Variants in SPAG1 observed in about 807,000 individuals in gnomAD.
SPAG1 encodes sperm-associated antigen 1.
Under a neutral mutation model 100.5 loss-of-function variants are expected in SPAG1, and 69 were observed. The ratio of observed to expected loss-of-function variants is 0.69; its 90% confidence interval spans 0.57 to 0.84. The LOEUF is 0.84. Among genes scored for constraint, SPAG1 ranks in the 40% least tolerant of loss-of-function variants. The pLI is 0.00. For missense variants in SPAG1, 955 were observed against 1,133.1 expected (o/e 0.84, Z 2.26); for synonymous variants, 336 against 411.6 (o/e 0.82, Z 2.22).
intron 10 of SPAG1, among the ~76,000 whole-genome samples, chr8:100,206,610 G>A (rs531242293): frequency 6.6e-6 from 1 of 152,028 alleles, no homozygotes; most frequent in Admixed American, 6.5e-5. Flanking sequence ...GGGTTCCGGT[G>A]GTATGGGGCC....
intron 4 of SPAG1, among the ~76,000 whole-genome samples, chr8:100,182,900 TA>T (rs1173903501): frequency 6.6e-6 from 1 of 152,200 alleles, no homozygotes; most frequent in Non-Finnish European, 1.5e-5. Context: ...ATTATTATGT[TA>T]ATAACTGTAA....
At chr8:100,195,740 T>C (rs914741420) in intron 10 of SPAG1, among the ~76,000 whole-genome samples, 1 of 152,206 alleles carries the variant, frequency 6.6e-6, no homozygotes, top group Non-Finnish European at 1.5e-5. Context: ...TTACTTCCTA[T>C]TATTTTAAAA....
rs778498639 is a variant in SPAG1, at chr8:100,177,872, G to A, written c.357G>A (p.Glu119=). The A allele has an allele frequency of 1.9e-6, 3 of 1,598,170 alleles. No homozygotes were observed. Among genetic ancestry groups the A allele is most frequent in the African/African-American group, 1.3e-5 (1 of 74,648 alleles). The part of the protein sequence containing the change: ...EEDKMHFHET[E]TFPAMKDNLP... ...ATAAAATGCACTTTCATGAAACTGA[G>A]ACATTTCCAGCAATGAAAGATAATT... The change falls in exon 4 of 19, where the codon GAG becomes GAA. Residue 119 remains glutamate, a synonymous_variant. Coordinates refer to ENST00000388798, the MANE Select transcript of SPAG1 (RefSeq NM_003114.5).
At chr8:100,232,198 G>A (rs185400880) in intron 15 of SPAG1, among the ~76,000 whole-genome samples, 18 of 152,154 alleles carry the variant, frequency 1.2e-4, no homozygotes, top group Admixed American at 1.0e-3. Flanking sequence ...CTGTAGGATC[G>A]GGCATTATTG....
chr8:100,234,384 T>C (rs1306284898), intron 16 of SPAG1, among the ~76,000 whole-genome samples: 5 of 152,190 alleles, frequency 3.3e-5, no homozygotes, highest in Admixed American at 2.6e-4. Flanking sequence ...TTTTCATCTT[T>C]CTAGAAAGTT....
At chr8:100,236,696 A>G (rs572972663) in intron 16 of SPAG1, among the ~76,000 whole-genome samples, 241 of 152,292 alleles carry the variant, frequency 1.6e-3, no homozygotes, top group African/African-American at 5.7e-3. Flanking sequence ...TCTTTGTAAG[A>G]AAAGATCACT....
intron 16 of SPAG1, among the ~76,000 whole-genome samples, chr8:100,234,253 A>G (rs1219317972): frequency 6.6e-6 from 1 of 152,256 alleles, no homozygotes; most frequent in Admixed American, 6.5e-5. Flanking sequence ...AATGAAGTTC[A>G]TACATTGTAA....
intron 3 of SPAG1, among the ~76,000 whole-genome samples, chr8:100,166,877 G>A (rs1214640672): frequency 1.3e-5 from 2 of 152,092 alleles, no homozygotes; most frequent in Non-Finnish European, 2.9e-5. Context: ...ATTGCACTCC[G>A]GCCTGGGTGA....
chr8:100,225,941 T>A (rs936723499), intron 14 of SPAG1, among the ~76,000 whole-genome samples: 2 of 151,608 alleles, frequency 1.3e-5, no homozygotes, highest in Non-Finnish European at 2.9e-5. Context: ...CAAGCAATAC[T>A]CCTGCCTCAG....
chr8:100,190,663 CTTTTTTT>C (rs758612610), intron 8 of SPAG1, among the ~76,000 whole-genome samples: 5 of 111,810 alleles, frequency 4.5e-5, no homozygotes, highest in East Asian at 5.3e-4. Context: ...CTTTTTTTTT[CTTTTTTT>C]TTTTTTTTTT....
intron 12 of SPAG1, among the ~76,000 whole-genome samples, chr8:100,214,320 T>A (rs1817873397): frequency 6.6e-6 from 1 of 152,218 alleles, no homozygotes; most frequent in South Asian, 2.1e-4. Context: ...CTACACTGCC[T>A]CCAAGCAAGT....
chr8:100,171,242 C>T (rs1456756167), intron 3 of SPAG1, among the ~76,000 whole-genome samples: 1 of 151,990 alleles, frequency 6.6e-6, no homozygotes, highest in Admixed American at 6.6e-5. Context: ...ATTTGATTTG[C>T]TAAAATTTTG....
At chr8:100,205,338 C>T (rs1817461608) in intron 10 of SPAG1, among the ~76,000 whole-genome samples, 1 of 152,184 alleles carries the variant, frequency 6.6e-6, no homozygotes, top group Non-Finnish European at 1.5e-5. Flanking sequence ...ATTTCAGGGA[C>T]TACTGGACAC....
intron 3 of SPAG1, among the ~76,000 whole-genome samples, chr8:100,169,174 T>C (rs1430202964): frequency 6.6e-6 from 1 of 152,200 alleles, no homozygotes; most frequent in African/African-American, 2.4e-5. Flanking sequence ...TCAGTTTTAA[T>C]TTTTGTATTG....
At chr8:100,206,910 G>A (rs1026010362) in intron 10 of SPAG1, among the ~76,000 whole-genome samples, 1 of 152,184 alleles carries the variant, frequency 6.6e-6, no homozygotes, top group African/African-American at 2.4e-5. Context: ...CTGCCACTTG[G>A]GCCATATGAC....
At chr8:100,196,083 T>G (rs995856069) in intron 10 of SPAG1, among the ~76,000 whole-genome samples, 4 of 152,200 alleles carry the variant, frequency 2.6e-5, no homozygotes, top group African/African-American at 9.6e-5. Flanking sequence ...TGAGTAGCAT[T>G]CCATTAATAG....
At chr8:100,223,594 T>A (rs1464619997) in intron 13 of SPAG1, among the ~76,000 whole-genome samples, 3 of 146,358 alleles carry the variant, frequency 2.0e-5, no homozygotes, top group South Asian at 2.2e-4. Flanking sequence ...TTTTTTTTTT[T>A]AAATTTAAAC....
At chr8:100,225,005 A>G (rs1300049861) in intron 13 of SPAG1, among the ~76,000 whole-genome samples, 168 bp from the exon 14 acceptor site, 2 of 152,168 alleles carry the variant, frequency 1.3e-5, no homozygotes, top group African/African-American at 2.4e-5. Context: ...CAACTTGTAA[A>G]TATCTTTTTG....
intron 3 of SPAG1, among the ~76,000 whole-genome samples, chr8:100,168,687 C>CTTTTTTTTTTTTTTT (rs747506730): frequency 0.21 from 19,617 of 92,216 alleles, 4,750 homozygotes; most frequent in East Asian, 0.29. Context: ...GCCCAGCCAT[C>CTTTTTTTTTTTTTTT]TTTTTTTTTT....
Sources: allele counts gnomAD v4.1 joint callset (sites outside exome capture counted in the v4.1 genomes callset), GRCh38; gene constraint gnomAD v4.1.1; transcripts MANE v1.5; gene names NCBI Gene and HGNC (gene_info 2026-07-23, HGNC 2026-07-21).